The following SGCZ variants were observed in gnomAD, a reference collection of about 807,000 sequenced individuals.
SGCZ encodes sarcoglycan zeta, also known as zeta-sarcoglycan.
Under a neutral mutation model 41.3 loss-of-function variants are expected in SGCZ, and 40 were observed. That is an observed-to-expected ratio of 0.97 (90% CI 0.75 to 1.26). The LOEUF (loss-of-function observed/expected upper bound fraction) is 1.26. SGCZ is among the 50% of genes most tolerant of loss of function. The pLI, the probability that SGCZ is intolerant of heterozygous loss-of-function variation, is 0.00. For synonymous variants in SGCZ, 206 were observed against 137.5 expected, an observed-to-expected ratio of 1.50 and a Z score of -3.49; for missense variants, 552 against 369.8, an observed-to-expected ratio of 1.49 and a Z score of -4.04.
At chr8:14,097,011 G>C (rs948134526) in intron 7 of SGCZ, among the ~76,000 whole-genome samples, 1 of 151,666 alleles carries the variant, frequency 6.6e-6, no homozygotes, top group Admixed American at 6.6e-5. Context: ...TATTAGTCTG[G>C]CTAGCGGTCT....
At chr8:14,114,008 T>G (rs1212981859) in intron 5 of SGCZ, among the ~76,000 whole-genome samples, 1 of 152,012 alleles carries the variant, frequency 6.6e-6, no homozygotes, top group African/African-American at 2.4e-5. Context: ...TGCTTCTCCT[T>G]CTGCCCAGTT....
intron 1 of SGCZ, among the ~76,000 whole-genome samples, chr8:14,806,234 G>A (rs2130520215): frequency 6.6e-6 from 1 of 151,472 alleles, no homozygotes; most frequent in South Asian, 2.1e-4. Context: ...TAAAATCAGA[G>A]CAGAACTGAA....
intron 3 of SGCZ, among the ~76,000 whole-genome samples, chr8:14,241,795 T>C (rs1228505717): frequency 2.0e-5 from 3 of 152,210 alleles, no homozygotes; most frequent in East Asian, 1.9e-4. Context: ...GTTACACACA[T>C]ATTCTTCATG....
At chr8:14,415,234 T>G (rs1434821305) in intron 2 of SGCZ, among the ~76,000 whole-genome samples, 1 of 151,932 alleles carries the variant, frequency 6.6e-6, no homozygotes, top group African/African-American at 2.4e-5. Context: ...ATACATGTTT[T>G]CAATCATATA....
At chr8:14,911,799 G>T (rs1799287600) in intron 1 of SGCZ, among the ~76,000 whole-genome samples, 1 of 151,520 alleles carries the variant, frequency 6.6e-6, no homozygotes, top group Non-Finnish European at 1.5e-5. Context: ...ATTTCCTCAA[G>T]TATTAATTAG....
intron 1 of SGCZ, among the ~76,000 whole-genome samples, chr8:14,855,488 G>C (rs1312246048): frequency 6.6e-6 from 1 of 152,108 alleles, no homozygotes; most frequent in Non-Finnish European, 1.5e-5. Flanking sequence ...ATACTTGCAG[G>C]ATAGATTATA....
rs117693694 is a variant in SGCZ, at chr8:14,605,311, C to T, written c.40-50385G>A. On this transcript the variant is annotated intron_variant, in intron 1 of 7. Transcript: ENST00000382080. ...AGTGAGTGTATATATTTATGGGGTA[C>T]GTGAGATATTATGATTCAGGCATAC... Among the ~76,000 whole-genome samples the T allele has an allele frequency of 9.2e-3, 1,394 of 151,444 alleles. 5 individuals are homozygous for T. Among genetic ancestry groups the T allele is most frequent in the South Asian group, 0.015 (73 of 4,788 alleles).
intron 2 of SGCZ, among the ~76,000 whole-genome samples, chr8:14,532,118 G>A (rs1803150199): frequency 6.6e-6 from 1 of 151,994 alleles, no homozygotes; most frequent in Non-Finnish European, 1.5e-5. Context: ...AAATACTGTG[G>A]AAATACCAGA....
chr8:14,217,154 G>A (rs540385140), intron 4 of SGCZ, among the ~76,000 whole-genome samples: 7 of 151,892 alleles, frequency 4.6e-5, no homozygotes, highest in Admixed American at 6.6e-5. Context: ...AAAGTTAGCC[G>A]GCATGGTGGC....
chr8:14,660,571 C>CAAAAAAAAA (rs71304960), intron 1 of SGCZ, among the ~76,000 whole-genome samples: 1 of 67,286 alleles, frequency 1.5e-5, no homozygotes, highest in African/African-American at 4.8e-5. Context: ...AACTCCATCT[C>CAAAAAAAAA]AAAAAAAAAA....
chr8:15,162,816 C>A (rs551578764), intron 1 of SGCZ, among the ~76,000 whole-genome samples: 1 of 152,186 alleles, frequency 6.6e-6, no homozygotes, highest in South Asian at 2.1e-4. Context: ...ATAGAGAGTT[C>A]CTAAAAGTGA....
At position 14,237,675 on chromosome 8, in the gene SGCZ, C is replaced by A. The variant is rs1344798436; in HGVS notation, c.341G>T (p.Ser114Ile). The A allele has an allele frequency of 6.2e-7, 1 of 1,613,078 alleles. No individual in the cohort carries two copies. Among genetic ancestry groups the A allele is most frequent in the East Asian group, 2.2e-5 (1 of 44,880 alleles). Reference protein sequence around the residue: ...YVKEIHSRKDSPLVLQSDRNV... With the variant: ...YVKEIHSRKDIPLVLQSDRNV... ...CCTGTCAGACTGTAAGACCAGCGGA[C>A]TATCCTGGGAAACATGTATAAAATA... The change falls in exon 4 of 8, where the codon AGT becomes ATT. Residue 114 changes from serine (S) to isoleucine (I), a missense_variant. Ser to Ile is a moderately radical substitution (Grantham distance 142). Transcript: ENST00000382080.
chr8:15,122,290 C>T (rs1807511621), intron 1 of SGCZ, among the ~76,000 whole-genome samples: 1 of 151,998 alleles, frequency 6.6e-6, no homozygotes, highest in South Asian at 2.1e-4. Flanking sequence ...GATCATAAAG[C>T]ATGACAGGAA....
At position 14,884,997 on chromosome 8, in the gene SGCZ, T is replaced by C. The variant is rs532597251; in HGVS notation, c.40-330071A>G. Among the ~76,000 whole-genome samples, 39 of 152,236 alleles carry C rather than the reference T, an allele frequency of 2.6e-4. No homozygotes were observed. The East Asian group carries it at 6.6e-3, about 26-fold the overall frequency. ...AAAATCGACAGCATTCTCCACCCAC[T>C]GCCATGACTTTTTCCTTGTATTAGT... On this transcript the variant is annotated intron_variant, in intron 1 of 7. Coordinates refer to ENST00000382080, the MANE Select transcript of SGCZ (RefSeq NM_139167.4).
At chr8:14,365,426 C>G (rs931034352) in intron 2 of SGCZ, among the ~76,000 whole-genome samples, 2 of 152,088 alleles carry the variant, frequency 1.3e-5, no homozygotes, top group Admixed American at 1.3e-4. Context: ...TTTGATGTAT[C>G]ATCTCATTTA....
chr8:14,913,347 T>A (rs756762491), intron 1 of SGCZ, among the ~76,000 whole-genome samples: 3 of 152,088 alleles, frequency 2.0e-5, no homozygotes, highest in Admixed American at 6.6e-5. Flanking sequence ...CTGTCTTAAT[T>A]GTGCTCTCAC....
chr8:14,501,287 C>T lies in SGCZ; in HGVS notation c.234+53445G>A, dbSNP rs114118544. Among the ~76,000 whole-genome samples the T allele has an allele frequency of 3.0e-3, 461 of 152,016 alleles. 3 individuals carry two copies. Among genetic ancestry groups the T allele is most frequent in the African/African-American group, 0.01 (430 of 41,490 alleles). On this transcript the variant is annotated intron_variant, in intron 2 of 7. Transcript: ENST00000382080. ...GAATAATCAACGGTAATCATCTTCT[C>T]TAAATGTCATCAGATTAGCAATCTT...
intron 2 of SGCZ, among the ~76,000 whole-genome samples, chr8:14,358,610 G>GTA (rs201789297): frequency 4.0e-5 from 6 of 151,802 alleles, no homozygotes; most frequent in South Asian, 2.1e-4. Flanking sequence ...ATCCTGTAAG[G>GTA]TATATATATA....
At chr8:14,279,282 C>T (rs61683100) in intron 3 of SGCZ, among the ~76,000 whole-genome samples, 5,933 of 151,928 alleles carry the variant, frequency 0.039, 392 homozygotes, top group African/African-American at 0.13. Context: ...CAAACTTTGC[C>T]AAATATTAAG....
Sources: gnomAD v4.1 joint callset for allele counts (sites outside exome capture counted in the v4.1 genomes callset) on GRCh38, gnomAD v4.1.1 for gene constraint, MANE v1.5 for transcripts, NCBI Gene and HGNC (gene_info 2026-07-23, HGNC 2026-07-21) for gene names.